The following LYPD6B variants were observed in gnomAD, a reference collection of about 807,000 sequenced individuals.
The protein encoded by LYPD6B is LY6/PLAUR domain containing 6B.
In LYPD6B, 17 loss-of-function variants were observed where a neutral mutation model predicts 22.8. That is an observed-to-expected ratio of 0.75 (90% CI 0.51 to 1.12). The LOEUF (loss-of-function observed/expected upper bound fraction) is 1.12. LYPD6B is among the 50% of genes most tolerant of loss of function. LYPD6B has a pLI of 0.00. For missense variants in LYPD6B, 221 were observed against 258.3 expected (o/e 0.86, Z 0.99); for synonymous variants, 106 against 91.6 (o/e 1.16, Z -0.90).
At chr2:149,153,629 G>T (rs1689510975) in intron 2 of LYPD6B, among the ~76,000 whole-genome samples, 1 of 152,044 alleles carries the variant, frequency 6.6e-6, no homozygotes. Context: ...CAAAAAATTA[G>T]CCAGGCATGA....
chr2:149,211,257 T>C (rs1463364942), intron 5 of LYPD6B, among the ~76,000 whole-genome samples: 3 of 152,156 alleles, frequency 2.0e-5, no homozygotes, highest in African/African-American at 7.2e-5. Flanking sequence ...CAGTTTGATA[T>C]GAGATTTGGG....
chr2:149,124,056 A>T (rs955518211), intron 1 of LYPD6B, among the ~76,000 whole-genome samples: 2 of 152,186 alleles, frequency 1.3e-5, no homozygotes, highest in African/African-American at 4.8e-5. Flanking sequence ...GTGGAATCCA[A>T]GGGCCATTCT....
chr2:149,148,405 A>G (rs1221783430), intron 2 of LYPD6B, among the ~76,000 whole-genome samples: 1 of 152,178 alleles, frequency 6.6e-6, no homozygotes, highest in African/African-American at 2.4e-5. Flanking sequence ...CAAACTACAG[A>G]TGTTGGGGGA....
At chr2:149,109,170 T>G (rs935600260) in intron 1 of LYPD6B, among the ~76,000 whole-genome samples, 1 of 152,214 alleles carries the variant, frequency 6.6e-6, no homozygotes, top group Non-Finnish European at 1.5e-5. Flanking sequence ...ATATGTCCAC[T>G]TGGTGTCAGT....
chr2:149,065,789 A>G (rs1684291111), intron 1 of LYPD6B, among the ~76,000 whole-genome samples: 1 of 152,124 alleles, frequency 6.6e-6, no homozygotes, highest in African/African-American at 2.4e-5. Context: ...GCTCACTGCA[A>G]TCTCCACCTC....
intron 1 of LYPD6B, among the ~76,000 whole-genome samples, chr2:149,122,043 G>C (rs1687389822): frequency 6.6e-6 from 1 of 152,172 alleles, no homozygotes; most frequent in Non-Finnish European, 1.5e-5. Context: ...CCATAATTGT[G>C]GAAGTTTGTT....
intron 3 of LYPD6B, among the ~76,000 whole-genome samples, chr2:149,192,899 C>T (rs181786271): frequency 2.0e-5 from 3 of 152,024 alleles, no homozygotes; most frequent in South Asian, 2.1e-4. Flanking sequence ...TCAATGATTA[C>T]GTTGGGCAGT....
chr2:149,171,343 T>G (rs955217849), intron 3 of LYPD6B, among the ~76,000 whole-genome samples: 7 of 151,976 alleles, frequency 4.6e-5, no homozygotes, highest in African/African-American at 1.7e-4. Context: ...AATGATTTAT[T>G]TTCTTTTTCA....
intron 3 of LYPD6B, among the ~76,000 whole-genome samples, chr2:149,197,786 T>C (rs1008769025): frequency 6.6e-6 from 1 of 152,188 alleles, no homozygotes; most frequent in African/African-American, 2.4e-5. Context: ...TATCCTCTCA[T>C]CCAGTATGGG....
chr2:149,057,200 T>C (rs1917584), intron 1 of LYPD6B, among the ~76,000 whole-genome samples: 45,320 of 151,968 alleles, frequency 0.3, 7,529 homozygotes, highest in Non-Finnish European at 0.37. Flanking sequence ...TCTAGTTTTA[T>C]TATATATTAT....
intron 1 of LYPD6B, among the ~76,000 whole-genome samples, chr2:149,066,298 A>G (rs928415933): frequency 2.0e-5 from 3 of 151,766 alleles, no homozygotes; most frequent in Non-Finnish European, 4.4e-5. Flanking sequence ...TTTACATTAG[A>G]TATATCTCCT....
chr2:149,043,034 G>T (rs1281080290), intron 1 of LYPD6B, among the ~76,000 whole-genome samples: 3 of 152,242 alleles, frequency 2.0e-5, no homozygotes, highest in African/African-American at 7.2e-5. Context: ...AGAAACATGA[G>T]CAAAGGGAAA....
intron 3 of LYPD6B, among the ~76,000 whole-genome samples, chr2:149,202,234 G>T (rs1693208295): frequency 6.6e-6 from 1 of 152,046 alleles, no homozygotes; most frequent in East Asian, 1.9e-4. Context: ...CAATTAGATG[G>T]TCTAAATTCA....
At chr2:149,132,473 T>C (rs897620889) in intron 2 of LYPD6B, among the ~76,000 whole-genome samples, 6 of 152,014 alleles carry the variant, frequency 3.9e-5, no homozygotes, top group African/African-American at 1.4e-4. Context: ...TTTCTCAATC[T>C]CTGGCAGCTC....
At chr2:149,106,615 A>G (rs1250897331) in intron 1 of LYPD6B, among the ~76,000 whole-genome samples, 3 of 152,144 alleles carry the variant, frequency 2.0e-5, no homozygotes. Context: ...AGAATATGTT[A>G]TGTTGTCAAC....
At chr2:149,090,356 G>C (rs527323217) in intron 1 of LYPD6B, among the ~76,000 whole-genome samples, 2 of 152,150 alleles carry the variant, frequency 1.3e-5, no homozygotes, top group African/African-American at 2.4e-5. Flanking sequence ...TGAACAGAGG[G>C]TCATGGTGAC....
chr2:149,130,326 G>T (rs555654411), intron 1 of LYPD6B, among the ~76,000 whole-genome samples: 27 of 152,334 alleles, frequency 1.8e-4, no homozygotes, highest in African/African-American at 6.5e-4. Context: ...GAGAAGAGAA[G>T]TCGCTAGTTT....
chr2:149,098,068 T>C (rs1415050365), intron 1 of LYPD6B, among the ~76,000 whole-genome samples: 3 of 152,292 alleles, frequency 2.0e-5, no homozygotes, highest in Middle Eastern at 3.4e-3. Flanking sequence ...TTACTTGTTA[T>C]AACTTTGTCT....
chr2:149,153,089 T>A (rs1175450108), intron 2 of LYPD6B, among the ~76,000 whole-genome samples: 1 of 152,172 alleles, frequency 6.6e-6, no homozygotes, highest in Non-Finnish European at 1.5e-5. Flanking sequence ...TCCAGTGTGG[T>A]TGATAAAAGC....
Sources: allele counts gnomAD v4.1 joint callset (sites outside exome capture counted in the v4.1 genomes callset), GRCh38; gene constraint gnomAD v4.1.1; transcripts MANE v1.5; gene names NCBI Gene and HGNC (gene_info 2026-07-23, HGNC 2026-07-21).